The following ZNF423 variants were observed in gnomAD, a reference collection of about 807,000 sequenced individuals.
ZNF423 encodes zinc finger protein 423.
Under a neutral mutation model 95.8 loss-of-function variants are expected in ZNF423, and 12 were observed. That is an observed-to-expected ratio of 0.13 (90% CI 0.08 to 0.20). The LOEUF is 0.20. Ranked by LOEUF, ZNF423 falls within the 10% of genes least tolerant of loss-of-function variation. The pLI is 1.00. For synonymous variants in ZNF423, 749 were observed against 711.9 expected, an observed-to-expected ratio of 1.05 and a Z score of -0.83; for missense variants, 1,316 against 1,737.1, an observed-to-expected ratio of 0.76 and a Z score of 4.31.
intron 7 of ZNF423, 136 bp downstream of exon 7, chr16:49,523,487 TA>T: frequency 1.4e-6 from 1 of 694,274 alleles, no homozygotes; most frequent in Non-Finnish European, 2.5e-6. Context: ...CCATGCCTGC[TA>T]GCCAGGAGGT....
chr16:49,746,537 G>A (rs1304534848), intron 2 of ZNF423, among the ~76,000 whole-genome samples: 1 of 152,088 alleles, frequency 6.6e-6, no homozygotes, highest in Non-Finnish European at 1.5e-5. Flanking sequence ...GAGAGCAGTG[G>A]CACAATCTCG....
chr16:49,592,613 G>T (rs1467874649), intron 5 of ZNF423, among the ~76,000 whole-genome samples: 1 of 152,236 alleles, frequency 6.6e-6, no homozygotes, highest in Non-Finnish European at 1.5e-5. Context: ...AGACAGCTCT[G>T]TGTGCCAGGG....
intron 5 of ZNF423, among the ~76,000 whole-genome samples, chr16:49,598,441 C>T (rs1217008262): frequency 6.6e-6 from 1 of 152,252 alleles, no homozygotes; most frequent in African/African-American, 2.4e-5. Context: ...AGAGCTGGCA[C>T]TTGGAGCATC....
Position 49,568,133 on chromosome 16 carries a change from TGC to T in ZNF423, c.3602-42641_3602-42640del, listed in dbSNP as rs547356591. Among the ~76,000 whole-genome samples the T allele has an allele frequency of 4.6e-5, 7 of 152,234 alleles. 1 individual carries two copies. In the South Asian group the frequency reaches 1.5e-3, roughly 32 times the overall value. ...AGGCCTGGCCAATGAGTGTATGCCA[TGC>T]CTCTGGATAAAGTGATTGGTTAAAA... On this transcript the variant is annotated intron_variant, in intron 5 of 7. Coordinates refer to ENST00000563137, the MANE Select transcript of ZNF423 (RefSeq NM_001379286.1).
At chr16:49,833,557 A>G (rs1456691235) in intron 1 of ZNF423, among the ~76,000 whole-genome samples, 1 of 152,136 alleles carries the variant, frequency 6.6e-6, no homozygotes, top group Non-Finnish European at 1.5e-5. Flanking sequence ...GGCAAATAAG[A>G]AAAGATGTCC....
intron 3 of ZNF423, among the ~76,000 whole-genome samples, chr16:49,693,800 C>T (rs1320393585): frequency 6.6e-6 from 1 of 152,168 alleles, no homozygotes; most frequent in Non-Finnish European, 1.5e-5. Context: ...ATGAAGCCAA[C>T]AAAAACGAAA....
chr16:49,620,162 CCA>C (rs1555512915), intron 5 of ZNF423, among the ~76,000 whole-genome samples: 11 of 147,038 alleles, frequency 7.5e-5, no homozygotes, highest in East Asian at 5.9e-4. Flanking sequence ...CACACACACA[CCA>C]CACACACACA....
At chr16:49,577,950 C>T (rs538044475) in intron 5 of ZNF423, among the ~76,000 whole-genome samples, 1 of 152,328 alleles carries the variant, frequency 6.6e-6, no homozygotes, top group South Asian at 2.1e-4. Context: ...GCCTGCTTGA[C>T]CTAGACACAT....
chr16:49,793,160 T>A (rs539265055), intron 1 of ZNF423, among the ~76,000 whole-genome samples: 1 of 152,128 alleles, frequency 6.6e-6, no homozygotes, highest in South Asian at 2.1e-4. Context: ...GAGGTTTTTT[T>A]CTCCCCACAG....
intron 1 of ZNF423, chr16:49,822,875 A>C: frequency 1.7e-6 from 1 of 584,178 alleles, no homozygotes; most frequent in Non-Finnish European, 2.9e-6. Context: ...CCAGGTAGTC[A>C]TCTACGCAGC....
At chr16:49,718,971 T>C (rs2032787417) in intron 3 of ZNF423, among the ~76,000 whole-genome samples, 1 of 152,248 alleles carries the variant, frequency 6.6e-6, no homozygotes, top group Non-Finnish European at 1.5e-5. Context: ...TTGCCTCTTT[T>C]ACCCCAAAAT....
At chr16:49,828,062 C>A (rs1348439821) in intron 1 of ZNF423, among the ~76,000 whole-genome samples, 3 of 152,204 alleles carry the variant, frequency 2.0e-5, no homozygotes, top group African/African-American at 7.2e-5. Flanking sequence ...AGACTTTTCA[C>A]GAAATTCACA....
chr16:49,730,531 C>T (rs1376273216), intron 3 of ZNF423: 14 of 557,974 alleles, frequency 2.5e-5, no homozygotes, highest in East Asian at 2.2e-4. Context: ...GCACAGCTTG[C>T]GGGGAGAGGG....
chr16:49,501,931 TGTTCATGACCTGGGTGATGCATTCA>T (rs1967421280), intron 7 of ZNF423, among the ~76,000 whole-genome samples: 1 of 152,168 alleles, frequency 6.6e-6, no homozygotes, highest in East Asian at 1.9e-4. Flanking sequence ...TGAGGTACTA[TGTTCATGACCTGGGTGATGCATTCA>T]GTCATACCCC....
intron 2 of ZNF423, among the ~76,000 whole-genome samples, chr16:49,744,204 T>C (rs2033473934): frequency 6.6e-6 from 1 of 152,218 alleles, no homozygotes; most frequent in Non-Finnish European, 1.5e-5. Context: ...AGACATTCTC[T>C]GATGTCTCCA....
At chr16:49,731,527 T>C (rs547043095) in intron 2 of ZNF423, 7 of 245,562 alleles carry the variant, frequency 2.9e-5, no homozygotes, top group Non-Finnish European at 3.9e-5. Context: ...TTAAAATGCA[T>C]CCAGGCTGGG....
At chr16:49,687,748 G>A (rs951980667) in intron 3 of ZNF423, among the ~76,000 whole-genome samples, 5 of 152,134 alleles carry the variant, frequency 3.3e-5, no homozygotes, top group Admixed American at 2.0e-4. Flanking sequence ...GTCCTGCTGC[G>A]GCTCCTGTTT....
At chr16:49,546,669 G>C (rs1441995049) in intron 5 of ZNF423, among the ~76,000 whole-genome samples, 2 of 152,194 alleles carry the variant, frequency 1.3e-5, no homozygotes, top group Admixed American at 1.3e-4. Context: ...GGAAGCTCGA[G>C]ATGTCATCAG....
At chr16:49,651,193 A>ATT (rs59884047) in intron 3 of ZNF423, among the ~76,000 whole-genome samples, 11,508 of 141,902 alleles carry the variant, frequency 0.081, 562 homozygotes, top group African/African-American at 0.13. Context: ...GCTAATTTTA[A>ATT]TTTTTTTTTT....
Sources: gnomAD v4.1 joint callset for allele counts (sites outside exome capture counted in the v4.1 genomes callset) on GRCh38, gnomAD v4.1.1 for gene constraint, MANE v1.5 for transcripts, NCBI Gene and HGNC (gene_info 2026-07-23, HGNC 2026-07-21) for gene names.